RNF121: variants seen among roughly 807,000 people sequenced by gnomAD.
RNF121 encodes the protein ring finger protein 121.
A neutral mutation model predicts 46.5 loss-of-function variants in RNF121; 21 were observed. The ratio of observed to expected loss-of-function variants is 0.45; its 90% CI spans 0.32 to 0.65. The LOEUF is 0.65. RNF121 is among the 30% of genes least tolerant of loss of function. RNF121 has a pLI of 0.04. For synonymous variants in RNF121, 139 were observed against 144.7 expected (o/e 0.96, Z 0.28); for missense variants, 346 against 416.0 (o/e 0.83, Z 1.46).
At chr11:71,976,730 C>T (rs1954534583) in intron 3 of RNF121, among the ~76,000 whole-genome samples, 1 of 152,026 alleles carries the variant, frequency 6.6e-6, no homozygotes, top group Admixed American at 6.6e-5. Flanking sequence ...GCATATATTC[C>T]CTGGCAATTT....
At chr11:71,963,742 C>T (rs528742436) in intron 3 of RNF121, among the ~76,000 whole-genome samples, 4 of 152,258 alleles carry the variant, frequency 2.6e-5, no homozygotes, top group African/African-American at 9.6e-5. Context: ...GCCAGTTGTC[C>T]CAGCATCATT....
intron 3 of RNF121, among the ~76,000 whole-genome samples, chr11:71,965,587 T>A (rs1362172190): frequency 6.6e-6 from 1 of 152,190 alleles, no homozygotes; most frequent in Non-Finnish European, 1.5e-5. Context: ...AAAATTTAAT[T>A]TACCTTTATC....
At chr11:71,943,193 G>A (rs1041616522) in intron 1 of RNF121, among the ~76,000 whole-genome samples, 27 of 152,230 alleles carry the variant, frequency 1.8e-4, no homozygotes, top group Non-Finnish European at 3.5e-4. Flanking sequence ...TTGAAATAGA[G>A]CCTACAGGAC....
At chr11:71,978,968 T>C (rs893714069) in intron 3 of RNF121, among the ~76,000 whole-genome samples, 2 of 152,370 alleles carry the variant, frequency 1.3e-5, no homozygotes, top group Non-Finnish European at 2.9e-5. Flanking sequence ...TGATTCCTAT[T>C]TGGACTTCTA....
At chr11:71,936,779 TAGG>T (rs1001974390) in intron 1 of RNF121, among the ~76,000 whole-genome samples, 3 of 152,018 alleles carry the variant, frequency 2.0e-5, no homozygotes, top group African/African-American at 7.3e-5. Context: ...GTAAAGGGGT[TAGG>T]AGAGAGAGGA....
In RNF121 at chr11:71,996,204, G is replaced by C; in HGVS notation, c.873G>C (p.Arg291Ser). The change falls in exon 9 of 9, where the codon AGG becomes AGC. Residue 291 changes from arginine (R) to serine (S), a missense_variant. By Grantham distance (110) the Arg-to-Ser change is moderately radical. Around this residue, in one of 2 missense-constraint regions of RNF121, gnomAD observed 286 missense variants for 383.8 expected, o/e 0.75. Coordinates refer to ENST00000361756, the MANE Select transcript of RNF121 (RefSeq NM_018320.5). ...TTTAACACACTGACAGCTGGGAGAG[G>C]CCTCACGTCATGTATGGGCAACTGC... ...LKRMFSNPWERPHVMYGQLLD... is the reference protein window; with the variant it reads ...LKRMFSNPWESPHVMYGQLLD... 6.2e-7 allele frequency: 1 copy of C among 1,614,132 alleles called. No individual in the cohort carries two copies. Among genetic ancestry groups the C allele is most frequent in the Non-Finnish European group, 8.5e-7 (1 of 1,180,002 alleles).
In RNF121 at chr11:71,929,139, G is replaced by A; in HGVS notation, c.63+15G>A. 1 of 1,549,830 alleles carries A rather than the reference G, an allele frequency of 6.5e-7. No individual in the cohort carries two copies. The highest frequency in any genetic ancestry group is 8.7e-7 in the Non-Finnish European group (1 of 1,146,052). On this transcript the variant is annotated intron_variant, in intron 1 of 8. Transcript: ENST00000361756. ...AGCTGGATGAGGTAAGCGGAGTTGA[G>A]AGACGAGGAGAGACTCAACCTGAGA...
intron 1 of RNF121, among the ~76,000 whole-genome samples, chr11:71,953,833 G>C (rs1056977080): frequency 6.6e-6 from 1 of 152,226 alleles, no homozygotes; most frequent in African/African-American, 2.4e-5. Flanking sequence ...AGACCTGTTT[G>C]TGGGGATACG....
At chr11:71,966,870 GT>G (rs11309406) in intron 3 of RNF121, among the ~76,000 whole-genome samples, 112,029 of 130,744 alleles carry the variant, frequency 0.86, 48,631 homozygotes, top group Middle Eastern at 0.96. Flanking sequence ...TGGGTTTTTT[GT>G]TTTTTTTTTT....
At chr11:71,932,094 C>G (rs909149140) in intron 1 of RNF121, among the ~76,000 whole-genome samples, 13 of 152,298 alleles carry the variant, frequency 8.5e-5, no homozygotes, top group African/African-American at 2.9e-4. Flanking sequence ...AATACTTTCT[C>G]TAGAAGTTGA....
chr11:71,977,753 C>T (rs1954557653), intron 3 of RNF121, among the ~76,000 whole-genome samples: 1 of 152,178 alleles, frequency 6.6e-6, no homozygotes, highest in Admixed American at 6.5e-5. Flanking sequence ...CCTGACAGCT[C>T]CTGCCTCATC....
At chr11:71,937,938 A>G (rs2134148362) in intron 1 of RNF121, among the ~76,000 whole-genome samples, 1 of 152,322 alleles carries the variant, frequency 6.6e-6, no homozygotes, top group Middle Eastern at 3.4e-3. Context: ...TGTAGGTAAA[A>G]TAAACTCATA....
At chr11:71,951,672 A>G (rs549098570) in intron 1 of RNF121, among the ~76,000 whole-genome samples, 2 of 151,868 alleles carry the variant, frequency 1.3e-5, no homozygotes, top group South Asian at 2.1e-4. Context: ...GACAAAGGCT[A>G]TGAATAGACT....
chr11:71,982,104 G>A (rs1179599075), intron 3 of RNF121, among the ~76,000 whole-genome samples: 1 of 152,034 alleles, frequency 6.6e-6, no homozygotes, highest in Non-Finnish European at 1.5e-5. Context: ...GATGGCCCTC[G>A]AAATAGTAGG....
chr11:71,971,871 G>C (rs923816612), intron 3 of RNF121, among the ~76,000 whole-genome samples: 2 of 152,174 alleles, frequency 1.3e-5, no homozygotes, highest in Non-Finnish European at 2.9e-5. Flanking sequence ...TGGCATTGCT[G>C]AGTCAGCGAA....
chr11:71,971,670 C>A (rs1349971267), intron 3 of RNF121, among the ~76,000 whole-genome samples: 2 of 152,130 alleles, frequency 1.3e-5, no homozygotes, highest in Non-Finnish European at 2.9e-5. Flanking sequence ...GGCCATTAAG[C>A]ATGAAAAGAG....
At chr11:71,956,015 A>C (rs775283010) in intron 1 of RNF121, among the ~76,000 whole-genome samples, 1 of 152,218 alleles carries the variant, frequency 6.6e-6, no homozygotes, top group African/African-American at 2.4e-5. Context: ...GCCACCTTCA[A>C]TAGTGATGGG....
At chr11:71,989,828 A>G (rs1328212093) in intron 5 of RNF121, among the ~76,000 whole-genome samples, 3 of 152,228 alleles carry the variant, frequency 2.0e-5, no homozygotes, top group African/African-American at 7.2e-5. Flanking sequence ...ACTGCTATAT[A>G]TTAATAAATA....
chr11:71,970,859 A>G (rs74236644), intron 3 of RNF121, among the ~76,000 whole-genome samples: 3,908 of 152,264 alleles, frequency 0.026, 54 homozygotes, highest in East Asian at 0.074. Flanking sequence ...AGAATAGACA[A>G]ACAGATCAGT....
Sources: allele counts gnomAD v4.1 joint callset (sites outside exome capture counted in the v4.1 genomes callset), GRCh38; gene constraint gnomAD v4.1.1; regional missense constraint gnomAD v4.1.1; transcripts MANE v1.5; gene names NCBI Gene and HGNC (gene_info 2026-07-23, HGNC 2026-07-21).